Variants in ARHGAP29 observed in about 807,000 individuals in gnomAD.
ARHGAP29 encodes rho GTPase-activating protein 29.
ARHGAP29 carries 43 observed loss-of-function variants against 122.6 expected under a neutral mutation model. The ratio of observed to expected loss-of-function variants is 0.35; its 90% CI spans 0.27 to 0.45. The LOEUF is 0.45. Among genes scored for constraint, ARHGAP29 ranks in the 20% least tolerant of loss-of-function variants. The pLI, the probability that ARHGAP29 is intolerant of heterozygous loss-of-function variation, is 1.00. For missense variants in ARHGAP29, 1,303 were observed against 1,477.2 expected (o/e 0.88, Z 1.93); for synonymous variants, 506 against 497.1 (o/e 1.02, Z -0.24).
At chr1:94,177,518 C>G in intron 22 of ARHGAP29, 94 bp downstream of exon 22, 578 of 815,130 alleles carry the variant, frequency 7.1e-4, no homozygotes, top group Non-Finnish European at 9.9e-4. Context: ...CATTCTCTGG[C>G]TTCCCTCATT....
At chr1:94,211,480 T>C (rs1651614431) in intron 3 of ARHGAP29, among the ~76,000 whole-genome samples, 1 of 152,012 alleles carries the variant, frequency 6.6e-6, no homozygotes, top group Non-Finnish European at 1.5e-5. Context: ...ATAGGGAAGA[T>C]GAGAACAACA....
intron 15 of ARHGAP29, among the ~76,000 whole-genome samples, chr1:94,187,901 G>T (rs1287461327): frequency 2.0e-5 from 3 of 152,136 alleles, no homozygotes; most frequent in African/African-American, 7.2e-5. Context: ...ATCAGCCTAA[G>T]AACCCAGTGC....
the ARHGAP29 span, among the ~76,000 whole-genome samples, chr1:94,306,320 G>C: frequency 8.5e-5 from 13 of 152,326 alleles, no homozygotes; most frequent in African/African-American, 3.1e-4. Context: ...CTGAAGGCTG[G>C]ATTCGCAGAG....
At chr1:94,184,360 A>C in intron 18 of ARHGAP29, 72 bp from the exon 19 acceptor site, 1 of 1,096,504 alleles carries the variant, frequency 9.1e-7, no homozygotes, top group Non-Finnish European at 1.3e-6. Context: ...ATATCTACAT[A>C]TACTTGATTT....
chr1:94,284,728 C>T, the ARHGAP29 span, among the ~76,000 whole-genome samples: 35 of 152,220 alleles, frequency 2.3e-4, no homozygotes, highest in African/African-American at 8.4e-4. Context: ...GCCACTGATA[C>T]TCCGAGATTG....
chr1:94,203,511 G>T (rs1650992484), intron 8 of ARHGAP29, among the ~76,000 whole-genome samples: 1 of 152,140 alleles, frequency 6.6e-6, no homozygotes, highest in Non-Finnish European at 1.5e-5. Flanking sequence ...AAGGTGGGTG[G>T]ATTACTTGAG....
chr1:94,269,142 C>T (rs1654896115), intron 1 of ARHGAP29, among the ~76,000 whole-genome samples: 1 of 152,126 alleles, frequency 6.6e-6, no homozygotes, highest in Non-Finnish European at 1.5e-5. Flanking sequence ...GATTTCTCTG[C>T]TTTTACCTAA....
intron 22 of ARHGAP29, 45 bp from the exon 23 acceptor site, chr1:94,174,794 TAAG>T: frequency 6.3e-7 from 1 of 1,575,412 alleles, no homozygotes; most frequent in East Asian, 2.2e-5. Flanking sequence ...ACATGGTTAA[TAAG>T]AGAGTTTGAA....
At chr1:94,306,499 A>G in the ARHGAP29 span, among the ~76,000 whole-genome samples, 1 of 152,234 alleles carries the variant, frequency 6.6e-6, no homozygotes, top group Non-Finnish European at 1.5e-5. Flanking sequence ...TTAGGTCTTC[A>G]CTTTTGTAAC....
intron 1 of ARHGAP29, among the ~76,000 whole-genome samples, chr1:94,274,138 A>G (rs1212239336): frequency 6.6e-6 from 1 of 152,214 alleles, no homozygotes; most frequent in Non-Finnish European, 1.5e-5. Context: ...ACATGATTCT[A>G]GGGCAGGAGT....
intron 12 of ARHGAP29, among the ~76,000 whole-genome samples, chr1:94,201,309 C>A (rs1327070451): frequency 6.6e-6 from 1 of 152,146 alleles, no homozygotes; most frequent in Non-Finnish European, 1.5e-5. Flanking sequence ...GAAATTCAAA[C>A]TGTATATCAC....
chr1:94,263,962 T>G, intron 1 of ARHGAP29, among the ~76,000 whole-genome samples: 1 of 152,214 alleles, frequency 6.6e-6, no homozygotes, highest in Non-Finnish European at 1.5e-5. Flanking sequence ...CAATGTTCTT[T>G]GGGTATAAGT....
At chr1:94,274,343 G>C (rs768621830) in intron 1 of ARHGAP29, among the ~76,000 whole-genome samples, 1 of 152,214 alleles carries the variant, frequency 6.6e-6, no homozygotes, top group African/African-American at 2.4e-5. Context: ...GATTTGGTTA[G>C]TGGGCCTAAT....
At chr1:94,274,825 G>A (rs1026140751) in intron 1 of ARHGAP29, among the ~76,000 whole-genome samples, 4 of 152,180 alleles carry the variant, frequency 2.6e-5, no homozygotes, top group African/African-American at 7.2e-5. Flanking sequence ...CTTGCTGTCC[G>A]GTCTCCATGG....
chr1:94,306,415 C>T, the ARHGAP29 span, among the ~76,000 whole-genome samples: 1 of 152,188 alleles, frequency 6.6e-6, no homozygotes, highest in Non-Finnish European at 1.5e-5. Context: ...ACTTTACTTG[C>T]CTAAGTAAGG....
the ARHGAP29 span, among the ~76,000 whole-genome samples, chr1:94,298,261 C>T: frequency 3.3e-5 from 5 of 152,206 alleles, no homozygotes; most frequent in African/African-American, 7.2e-5. Context: ...TTTTAAGTAA[C>T]GTGCATTTAA....
At chr1:94,176,741 G>A (rs886753027) in intron 22 of ARHGAP29, 1 of 151,990 alleles carries the variant, frequency 6.6e-6, no homozygotes, top group Non-Finnish European at 1.5e-5. Context: ...CCGAGTAGCT[G>A]GGATTACAGG....
intron 22 of ARHGAP29, among the ~76,000 whole-genome samples, chr1:94,175,332 G>A (rs3789693): frequency 0.067 from 10,121 of 152,144 alleles, 583 homozygotes; most frequent in East Asian, 0.32. Flanking sequence ...ACCTGCTCCC[G>A]GATTTTCTTT....
At position 94,184,186 on chromosome 1, in the gene ARHGAP29, C is replaced by T; in HGVS notation, c.2212G>A (p.Asp738Asn). The part of the protein sequence containing the change: ...LVDISEFSSH[D>N]ICDVLKLYLR... Reference sequence around the variant, plus strand: ...TATAATTTCAAGACGTCACAGATATCATGTGAACTAAATTCTGAAATATCT... The same window carrying T: ...TATAATTTCAAGACGTCACAGATATTATGTGAACTAAATTCTGAAATATCT... Residue 738 changes from aspartate (D) to asparagine (N), a missense_variant, in exon 19 of 23, where the codon GAT (aspartate) becomes AAT (asparagine). Asp to Asn is a conservative substitution (Grantham distance 23, BLOSUM62 1). Transcript: ENST00000260526. 1 of 1,609,454 alleles carries T rather than the reference C, an allele frequency of 6.2e-7. No individual in the cohort carries two copies. Among genetic ancestry groups the T allele is most frequent in the South Asian group, 1.1e-5 (1 of 89,532 alleles).
Sources: gnomAD v4.1 joint callset for allele counts (sites outside exome capture counted in the v4.1 genomes callset) on GRCh38, gnomAD v4.1.1 for gene constraint, MANE v1.5 for transcripts, NCBI Gene and HGNC (gene_info 2026-07-23, HGNC 2026-07-21) for gene names.